Variants in TOPBP1 observed in about 807,000 individuals in gnomAD.
The protein encoded by TOPBP1 is DNA topoisomerase II binding protein 1, also known as DNA topoisomerase 2-binding protein 1.
Under a neutral mutation model 167.7 loss-of-function variants are expected in TOPBP1, and 28 were observed. The ratio of observed to expected loss-of-function variants is 0.17; its 90% CI spans 0.12 to 0.23. The LOEUF (loss-of-function observed/expected upper bound fraction) is 0.23, where lower values mean the gene tolerates loss of function less well. Ranked by LOEUF, TOPBP1 falls within the 10% of genes least tolerant of loss-of-function variation. The pLI is 1.00. For synonymous variants in TOPBP1, 598 were observed against 611.4 expected (o/e 0.98, Z 0.32); for missense variants, 1,554 against 1,809.6 (o/e 0.86, Z 2.56).
chr3:133,643,661 T>C (rs1935974131), intron 11 of TOPBP1, among the ~76,000 whole-genome samples: 1 of 152,048 alleles, frequency 6.6e-6, no homozygotes, highest in African/African-American at 2.4e-5. Flanking sequence ...AATGTATTAG[T>C]TTATACTATT....
intron 27 of TOPBP1, among the ~76,000 whole-genome samples, chr3:133,606,651 C>G (rs1384203500): frequency 6.6e-6 from 1 of 151,904 alleles, no homozygotes; most frequent in Non-Finnish European, 1.5e-5. Flanking sequence ...CTACAGTAAT[C>G]AAGACACAGT....
At chr3:133,640,946 C>G (rs1017527595) in intron 12 of TOPBP1, among the ~76,000 whole-genome samples, 1 of 152,114 alleles carries the variant, frequency 6.6e-6, no homozygotes, top group Non-Finnish European at 1.5e-5. Flanking sequence ...ATATTAAACA[C>G]AGAGAATACG....
Position 133,628,588 on chromosome 3 carries a change from G to A in TOPBP1, c.2666C>T (p.Pro889Leu), listed in dbSNP as rs369636508. 6.2e-7 allele frequency: 1 copy of A among 1,611,342 alleles called. No homozygotes were observed. The highest frequency in any genetic ancestry group is 1.3e-5 in the African/African-American group (1 of 75,022). ...CTCTGACTGGGCCTCTTTCAGTTGAGGGCTGGCAGAAAGAGCGACAGCATT... is the reference window on the plus strand; with the variant it reads ...CTCTGACTGGGCCTCTTTCAGTTGAAGGCTGGCAGAAAGAGCGACAGCATT... ...SRNAVALSAS[P>L]QLKEAQSEKE... Residue 889 changes from proline to leucine, a missense_variant, in exon 15 of 28, where the codon CCT becomes CTT. Coordinates refer to ENST00000260810, the MANE Select transcript of TOPBP1 (RefSeq NM_007027.4).
In TOPBP1 at chr3:133,649,941, T is replaced by C. The variant is rs762743169; in HGVS notation, c.1092A>G (p.Ile364Met). The change falls in exon 9 of 28, where the codon ATA becomes ATG. Residue 364 changes from isoleucine to methionine, a missense_variant and splice_region_variant. Physicochemically the swap from Ile to Met is conservative, Grantham distance 10 (BLOSUM62 1). Transcript: ENST00000260810. ...TTCTGCCACTAAAACCGCAAAGATATATCTGCAAGAAAGAAAATATTTAAT... is the reference window on the plus strand; with the variant it reads ...TTCTGCCACTAAAACCGCAAAGATACATCTGCAAGAAAGAAAATATTTAAT... ...APEDLLDGCR[I>M]YLCGFSGRKL... 1 of 1,575,528 alleles carries C rather than the reference T, an allele frequency of 6.3e-7. No individual in the cohort carries two copies. Among genetic ancestry groups the C allele is most frequent in the Non-Finnish European group, 8.6e-7 (1 of 1,166,538 alleles).
chr3:133,655,570 C>G, intron 5 of TOPBP1, 84 bp from the exon 6 acceptor site: 1 of 729,500 alleles, frequency 1.4e-6, no homozygotes, highest in Non-Finnish European at 2.0e-6. Context: ...ACTATTGCTT[C>G]CCTCATTTTT....
intron 11 of TOPBP1, 139 bp from the exon 12 acceptor site, chr3:133,643,511 C>T: frequency 1.6e-6 from 1 of 619,620 alleles, no homozygotes. Flanking sequence ...TGCTCATTCT[C>T]AATACATTTC....
intron 10 of TOPBP1, among the ~76,000 whole-genome samples, chr3:133,645,963 A>G (rs774869038): frequency 6.6e-6 from 1 of 152,130 alleles, no homozygotes; most frequent in Non-Finnish European, 1.5e-5. Flanking sequence ...CCTGGCCAAC[A>G]TGGAGAAACC....
chr3:133,644,370 G>C lies in TOPBP1; in HGVS notation c.1505-7C>G. On this transcript the variant is annotated splice_region_variant and splice_polypyrimidine_tract_variant and intron_variant, in intron 10 of 27. Transcript: ENST00000260810. ...TCAGACGTCTTAGCCTCAACTGAAA[G>C]AGAAAAGTAAATGTTTTCTAACCAA... is the stretch of plus-strand genomic sequence containing the variant. 1.9e-6 allele frequency: 3 copies of C among 1,545,840 alleles called. No homozygotes were observed. The highest frequency in any genetic ancestry group is 2.6e-6 in the Non-Finnish European group (3 of 1,150,458).
chr3:133,643,164 C>A, intron 12 of TOPBP1, 36 bp downstream of exon 12: 4 of 1,491,652 alleles, frequency 2.7e-6, no homozygotes, highest in Non-Finnish European at 3.6e-6. Context: ...TAAAAAGATA[C>A]ACCAATACAA....
At chr3:133,628,863 A>T in intron 14 of TOPBP1, 130 bp from the exon 15 acceptor site, 3 of 852,568 alleles carry the variant, frequency 3.5e-6, no homozygotes, top group Non-Finnish European at 5.3e-6. Context: ...AGAATCCTCA[A>T]AATTAATGGA....
At chr3:133,651,091 C>T (rs7632134) in intron 8 of TOPBP1, among the ~76,000 whole-genome samples, 108,738 of 148,534 alleles carry the variant, frequency 0.73, 40,045 homozygotes, top group African/African-American at 0.76. Flanking sequence ...AGCAAGTCTC[C>T]GTCTCAAAAC....
At chr3:133,631,465 A>G (rs1935475885) in intron 14 of TOPBP1, among the ~76,000 whole-genome samples, 1 of 151,890 alleles carries the variant, frequency 6.6e-6, no homozygotes, top group South Asian at 2.1e-4. Context: ...TTTTTTTAAT[A>G]TTGTTTCTGC....
At position 133,623,132 on chromosome 3, in the gene TOPBP1, G is replaced by A. The variant is rs772109639; in HGVS notation, c.3137C>T (p.Ser1046Leu). ...VDNMATNNKE[S>L]APSNGSGKND... ...CTTTCCACTTCCATTTGATGGTGCT[G>A]ACTCTTTATTATTGGTGGCCATATT... The change falls in exon 19 of 28, where the codon TCA becomes TTA. Residue 1046 changes from serine to leucine, a missense_variant. Physicochemically the swap from Ser to Leu is moderately radical, Grantham distance 145. Transcript: ENST00000260810. 5.5e-5 allele frequency: 89 copies of A among 1,611,682 alleles called. No homozygotes were observed. Among genetic ancestry groups the A allele is most frequent in the Non-Finnish European group, 4.6e-5 (54 of 1,178,464 alleles).
At chr3:133,624,284 G>A (rs1333306744) in intron 16 of TOPBP1, 109 bp from the exon 17 acceptor site, 7 of 1,254,656 alleles carry the variant, frequency 5.6e-6, no homozygotes, top group South Asian at 1.4e-5. Context: ...CAAAACTTTC[G>A]GACTAGAGTA....
chr3:133,634,271 G>A (rs1935590560), intron 14 of TOPBP1, among the ~76,000 whole-genome samples: 1 of 152,206 alleles, frequency 6.6e-6, no homozygotes, highest in African/African-American at 2.4e-5. Context: ...CACTTTCAGA[G>A]GCCAAGGCAG....
intron 19 of TOPBP1, among the ~76,000 whole-genome samples, chr3:133,621,381 G>A (rs1935084904): frequency 6.6e-6 from 1 of 152,040 alleles, no homozygotes; most frequent in Non-Finnish European, 1.5e-5. Flanking sequence ...GGTTCTGCAT[G>A]CATGGATTCA....
intron 5 of TOPBP1, among the ~76,000 whole-genome samples, chr3:133,656,050 C>T (rs1936469729): frequency 6.6e-6 from 1 of 151,014 alleles, no homozygotes; most frequent in Non-Finnish European, 1.5e-5. Flanking sequence ...TATGCCAATA[C>T]AATTCTGTGG....
At chr3:133,623,805 T>A (rs1576291668) in intron 17 of TOPBP1, among the ~76,000 whole-genome samples, 1 of 152,218 alleles carries the variant, frequency 6.6e-6, no homozygotes, top group East Asian at 1.9e-4. Context: ...TCCATTCATA[T>A]CACATTTTTA....
In TOPBP1 at chr3:133,653,420, T is replaced by C. The variant is rs951090049; in HGVS notation, c.847A>G (p.Lys283Glu). The change falls in exon 7 of 28, where the codon AAG becomes GAG. Residue 283 changes from lysine (K) to glutamate (E), a missense_variant. By Grantham distance (56) the Lys-to-Glu change is moderately conservative. Coordinates refer to ENST00000260810, the MANE Select transcript of TOPBP1 (RefSeq NM_007027.4). ...KGFCQDESIYKTEPRPEAKTM... is the reference protein window; with the variant it reads ...KGFCQDESIYETEPRPEAKTM... ...TTTGCTTCTGGTCTAGGTTCTGTCT[T>C]GTATATGGATTCATCCTGACAAAAA... is the stretch of plus-strand genomic sequence containing the variant. 2 of 1,613,356 alleles carry C rather than the reference T, an allele frequency of 1.2e-6. No individual in the cohort carries two copies. Among genetic ancestry groups the C allele is most frequent in the Non-Finnish European group, 1.7e-6 (2 of 1,179,716 alleles).
Sources: gnomAD v4.1 joint callset for allele counts (sites outside exome capture counted in the v4.1 genomes callset) on GRCh38, gnomAD v4.1.1 for gene constraint, MANE v1.5 for transcripts, NCBI Gene and HGNC (gene_info 2026-07-23, HGNC 2026-07-21) for gene names.